TENM3: variants seen among roughly 807,000 people sequenced by gnomAD.
The protein encoded by TENM3 is teneurin transmembrane protein 3.
A neutral mutation model predicts 255.1 loss-of-function variants in TENM3; 63 were observed. That is an observed-to-expected ratio of 0.25 (90% CI 0.20 to 0.30). The LOEUF (loss-of-function observed/expected upper bound fraction) is 0.30. TENM3 is among the 10% of genes least tolerant of loss of function. The pLI, the probability that TENM3 is intolerant of heterozygous loss-of-function variation, is 1.00. For missense variants in TENM3, 2,929 were observed against 3,461.1 expected (o/e 0.85, Z 3.86); for synonymous variants, 1,306 against 1,322.3 (o/e 0.99, Z 0.27).
rs1054493531 is a variant in TENM3, at chr4:182,175,312, A to T, written c.-76+30558A>T. Among the ~76,000 whole-genome samples, 362 of 79,272 alleles carry T rather than the reference A, an allele frequency of 4.6e-3. 2 individuals carry two copies. Among genetic ancestry groups the T allele is most frequent in the African/African-American group, 0.013 (313 of 24,114 alleles). The allele number at this position is 79,272 out of a possible 152,430, so 52.0% of individuals were successfully genotyped here. ...TCTGCTCTGCTTCATTAAAAAAAAA[A>T]AAATATATATATATATATATATACA... is the stretch of plus-strand genomic sequence containing the variant. On this transcript the variant is annotated intron_variant, in intron 1 of 2. Transcript: ENST00000512480.
intron 5 of TENM3, among the ~76,000 whole-genome samples, chr4:182,648,715 G>A (rs113512865): frequency 1.9e-3 from 290 of 152,326 alleles, no homozygotes; most frequent in Non-Finnish European, 3.0e-3. Context: ...GACTATGCCA[G>A]CCACTACCTG....
chr4:182,097,472 G>C, the TENM3 span, among the ~76,000 whole-genome samples: 1 of 152,160 alleles, frequency 6.6e-6, no homozygotes, highest in African/African-American at 2.4e-5. Context: ...TTCTGAGAGA[G>C]TAGAAACCTG....
the TENM3 span, among the ~76,000 whole-genome samples, chr4:181,808,122 C>T: frequency 6.6e-6 from 1 of 152,208 alleles, no homozygotes; most frequent in African/African-American, 2.4e-5. Context: ...GATTACACTT[C>T]TGTTGGTTTG....
the TENM3 span, among the ~76,000 whole-genome samples, chr4:181,605,552 A>AGAGAG: frequency 1.0e-4 from 3 of 29,466 alleles, 1 homozygote; most frequent in African/African-American, 2.4e-4. Context: ...GAAAGAAAGA[A>AGAGAG]AGAAAGAAAG....
In TENM3 at chr4:182,755,265, T is replaced by C; in HGVS notation, c.4892+6T>C. The C allele has an allele frequency of 6.3e-7, 1 of 1,576,928 alleles. No individual in the cohort carries two copies. Among genetic ancestry groups the C allele is most frequent in the Non-Finnish European group, 8.6e-7 (1 of 1,168,596 alleles). On this transcript the variant is annotated splice_donor_region_variant and intron_variant, in intron 22 of 27. Transcript: ENST00000511685. ...GGATGGACAACGTTTTTTGAGTAAGTATATGAAAATTCTACTCTGATTATA... is the reference window on the plus strand; with the variant it reads ...GGATGGACAACGTTTTTTGAGTAAGCATATGAAAATTCTACTCTGATTATA...
intron 12 of TENM3, among the ~76,000 whole-genome samples, chr4:182,696,320 T>C (rs1333332960): frequency 6.6e-6 from 1 of 152,166 alleles, no homozygotes; most frequent in African/African-American, 2.4e-5. Flanking sequence ...CTCTATACTC[T>C]CTATAGAAAA....
the TENM3 span, among the ~76,000 whole-genome samples, chr4:181,551,862 G>A: frequency 2.0e-5 from 2 of 100,780 alleles, no homozygotes; most frequent in Admixed American, 2.3e-4. Context: ...GTGTGTGTGT[G>A]TGTGTGTGTG....
chr4:182,297,583 T>A (rs1285385083), intron 1 of TENM3, among the ~76,000 whole-genome samples: 1 of 152,216 alleles, frequency 6.6e-6, no homozygotes, highest in East Asian at 1.9e-4. Flanking sequence ...GCTCCCAAGC[T>A]GCCTTACGTC....
the TENM3 span, among the ~76,000 whole-genome samples, chr4:181,657,174 C>T: frequency 2.0e-5 from 3 of 152,166 alleles, no homozygotes; most frequent in Non-Finnish European, 4.4e-5. Context: ...ATTTGCTTCT[C>T]GCAGCATTAT....
chr4:182,083,142 A>C, the TENM3 span, among the ~76,000 whole-genome samples: 9 of 152,248 alleles, frequency 5.9e-5, no homozygotes, highest in Non-Finnish European at 2.9e-5. Flanking sequence ...TAGAAGACCT[A>C]CAACTTAATT....
the TENM3 span, among the ~76,000 whole-genome samples, chr4:181,731,985 A>C: frequency 6.6e-6 from 1 of 152,200 alleles, no homozygotes; most frequent in Non-Finnish European, 1.5e-5. Context: ...TTTAAATATC[A>C]ATCTCAAACT....
chr4:182,793,295 G>C lies in TENM3; in HGVS notation c.6623G>C (p.Ser2208Thr), dbSNP rs952071337. 26 of 1,613,718 alleles carry C rather than the reference G, an allele frequency of 1.6e-5. No individual in the cohort carries two copies. In the Admixed American group the frequency reaches 3.0e-4, roughly 19 times the overall value. The change falls in exon 26 of 28, where the codon AGC becomes ACC. Residue 2208 changes from serine to threonine, a missense_variant. This residue lies in a region of TENM3 where 256 missense variants were observed against 389.3 expected (regional missense o/e 0.66). Coordinates refer to ENST00000511685, the MANE Select transcript of TENM3 (RefSeq NM_001080477.4). The surrounding 1 kb of genome is among the most constrained non-coding windows in gnomAD (Gnocchi z 5.7). ...AGGGGCACGGAAATCTTTGAATATAGCTCCAAGGGGCTTCTAACTCGAGTT... is the reference window on the plus strand; with the variant it reads ...AGGGGCACGGAAATCTTTGAATATACCTCCAAGGGGCTTCTAACTCGAGTT... The part of the protein sequence containing the change: ...RQRGTEIFEY[S>T]SKGLLTRVYS...
the TENM3 span, among the ~76,000 whole-genome samples, chr4:181,733,928 GTTCT>G: frequency 1.3e-5 from 2 of 152,114 alleles, no homozygotes; most frequent in Non-Finnish European, 2.9e-5. Context: ...GAAAGAAAAA[GTTCT>G]TTGTTTGCGG....
chr4:182,660,761 C>T (rs913576957), intron 6 of TENM3, among the ~76,000 whole-genome samples: 2 of 152,168 alleles, frequency 1.3e-5, no homozygotes, highest in South Asian at 2.1e-4. Flanking sequence ...CTAATGAGCA[C>T]TTATGATGTG....
intron 19 of TENM3, among the ~76,000 whole-genome samples, chr4:182,750,939 A>G (rs1226862672): frequency 6.6e-6 from 1 of 152,218 alleles, no homozygotes; most frequent in Admixed American, 6.5e-5. Context: ...AGTGTCTGTA[A>G]GGATATTAAC....
chr4:181,784,618 T>C, the TENM3 span, among the ~76,000 whole-genome samples: 2 of 152,146 alleles, frequency 1.3e-5, no homozygotes, highest in African/African-American at 4.8e-5. Context: ...AGCATCAAAT[T>C]CATTTGAATT....
rs544121828 is a variant in TENM3 at position 182,480,598 on chromosome 4, C to A, written c.512-120326C>A. Among the ~76,000 whole-genome samples the A allele has an allele frequency of 9.2e-5, 14 of 152,042 alleles. No individual in the cohort carries two copies. In the East Asian group the frequency reaches 2.1e-3, roughly 23 times the overall value. On this transcript the variant is annotated intron_variant, in intron 3 of 27. Transcript: ENST00000511685. ...TATATTTAATTTTAAAAAGTGTCTTCGTAAAGATGAAAAGTTAAAATTTGG... is the reference window on the plus strand; with the variant it reads ...TATATTTAATTTTAAAAAGTGTCTTAGTAAAGATGAAAAGTTAAAATTTGG...
the TENM3 span, among the ~76,000 whole-genome samples, chr4:181,854,214 G>T: frequency 3.3e-5 from 5 of 152,110 alleles, no homozygotes; most frequent in Non-Finnish European, 7.4e-5. Flanking sequence ...ACAATTTGTA[G>T]CCTGGATGGA....
chr4:182,552,380 T>G (rs1021642742), intron 3 of TENM3, among the ~76,000 whole-genome samples: 2 of 152,232 alleles, frequency 1.3e-5, no homozygotes, highest in Admixed American at 6.5e-5. Flanking sequence ...TTACTGAACA[T>G]CTCCTTATGT....
Sources: gnomAD v4.1 joint callset for allele counts (sites outside exome capture counted in the v4.1 genomes callset) on GRCh38, gnomAD v4.1.1 for gene constraint, gnomAD v4.1.1 regional missense constraint, Gnocchi (gnomAD v3.1) non-coding constraint, MANE v1.5 for transcripts, NCBI Gene and HGNC (gene_info 2026-07-23, HGNC 2026-07-21) for gene names.